PTBP3: variants seen among roughly 807,000 people sequenced by gnomAD.
PTBP3 encodes the protein polypyrimidine tract binding protein 3, also known as polypyrimidine tract-binding protein 3.
PTBP3 carries 20 observed loss-of-function variants against 58.7 expected under a neutral mutation model. The observed-to-expected ratio is 0.34, with a 90% CI of 0.24 to 0.50. PTBP3 has a LOEUF of 0.50. Among genes scored for constraint, PTBP3 ranks in the 20% least tolerant of loss-of-function variants. PTBP3 has a pLI of 0.98. For missense variants in PTBP3, 509 were observed against 637.2 expected (o/e 0.80, Z 2.17); for synonymous variants, 185 against 219.8 (o/e 0.84, Z 1.40).
the PTBP3 span, among the ~76,000 whole-genome samples, chr9:112,374,302 C>T: frequency 6.6e-6 from 1 of 152,188 alleles, no homozygotes; most frequent in Non-Finnish European, 1.5e-5. Flanking sequence ...CTGGTGGCAG[C>T]ATTCCTCCCT....
chr9:112,372,250 G>C, the PTBP3 span, among the ~76,000 whole-genome samples: 4 of 151,770 alleles, frequency 2.6e-5, no homozygotes, highest in African/African-American at 9.7e-5. Flanking sequence ...CTAATTAAAA[G>C]AATTTTTTTT....
At chr9:112,331,951 C>A (rs1451482235) in intron 1 of PTBP3, among the ~76,000 whole-genome samples, 1 of 152,160 alleles carries the variant, frequency 6.6e-6, no homozygotes, top group African/African-American at 2.4e-5. Context: ...ACCTTCCAGA[C>A]AATTAACTAC....
At chr9:112,258,289 G>A (rs1836456708) in intron 5 of PTBP3, among the ~76,000 whole-genome samples, 1 of 152,126 alleles carries the variant, frequency 6.6e-6, no homozygotes, top group Non-Finnish European at 1.5e-5. Context: ...TTTTTAGTAT[G>A]CAGGACTGAG....
intron 5 of PTBP3, among the ~76,000 whole-genome samples, chr9:112,259,544 A>G (rs1325207705): frequency 6.6e-6 from 1 of 152,172 alleles, no homozygotes; most frequent in African/African-American, 2.4e-5. Flanking sequence ...ACATACACAT[A>G]TAACTTATAT....
At chr9:112,332,631 AAT>A (rs1176452347) in intron 1 of PTBP3, among the ~76,000 whole-genome samples, 1 of 152,180 alleles carries the variant, frequency 6.6e-6, no homozygotes, top group East Asian at 1.9e-4. Flanking sequence ...TAATTACCAA[AAT>A]ATGTCAAGTC....
At chr9:112,327,243 T>C (rs572174568) in intron 1 of PTBP3, among the ~76,000 whole-genome samples, 43 of 151,262 alleles carry the variant, frequency 2.8e-4, no homozygotes, top group African/African-American at 9.7e-4. Flanking sequence ...ACGTCTCAGT[T>C]TCCCAATAAG....
At chr9:112,369,323 C>T in the PTBP3 span, among the ~76,000 whole-genome samples, 1 of 152,204 alleles carries the variant, frequency 6.6e-6, no homozygotes, top group African/African-American at 2.4e-5. Context: ...CAACATCAGC[C>T]TGTGAAAGCA....
At chr9:112,325,774 A>T (rs1311727338) in intron 1 of PTBP3, among the ~76,000 whole-genome samples, 1 of 152,180 alleles carries the variant, frequency 6.6e-6, no homozygotes, top group Non-Finnish European at 1.5e-5. Context: ...CTGTAACCCC[A>T]GTACTTCGGG....
the PTBP3 span, among the ~76,000 whole-genome samples, chr9:112,368,566 T>G: frequency 6.6e-6 from 1 of 152,164 alleles, no homozygotes; most frequent in Non-Finnish European, 1.5e-5. Flanking sequence ...CCTCACAATA[T>G]TACAATATAA....
chr9:112,271,904 T>C (rs1827401853), intron 3 of PTBP3, among the ~76,000 whole-genome samples: 1 of 152,188 alleles, frequency 6.6e-6, no homozygotes. Flanking sequence ...TTGATATCTG[T>C]AGTCACTGTA....
At chr9:112,281,641 C>G (rs1827872639) in intron 2 of PTBP3, among the ~76,000 whole-genome samples, 1 of 152,062 alleles carries the variant, frequency 6.6e-6, no homozygotes. Flanking sequence ...TTATTTATTC[C>G]TTATATGTCT....
At chr9:112,328,253 C>A (rs1418316948) in intron 1 of PTBP3, among the ~76,000 whole-genome samples, 1 of 152,158 alleles carries the variant, frequency 6.6e-6, no homozygotes, top group African/African-American at 2.4e-5. Flanking sequence ...AATTATGAGC[C>A]TTACTGGCCT....
In PTBP3 at chr9:112,222,348, A is replaced by T; in HGVS notation, c.*1503T>A. The T allele has an allele frequency of 1.0e-6, 1 of 984,384 alleles. No individual in the cohort carries two copies. Among genetic ancestry groups the T allele is most frequent in the Non-Finnish European group, 1.2e-6 (1 of 828,588 alleles). 61.0% of individuals were successfully genotyped at this position (984,384 alleles called of 1,614,324 possible). On this transcript the variant is annotated 3_prime_UTR_variant, in exon 14 of 14. Coordinates refer to ENST00000374257, the MANE Select transcript of PTBP3 (RefSeq NM_001163788.4). ...AAGAGAGGGACAGAGTATGAGAAAT[A>T]ACCCACCTTCTCATACTCCAAATAC... is the stretch of plus-strand genomic sequence containing the variant.
At chr9:112,234,016 A>C (rs987072588) in intron 8 of PTBP3, among the ~76,000 whole-genome samples, 2 of 152,194 alleles carry the variant, frequency 1.3e-5, no homozygotes, top group Non-Finnish European at 2.9e-5. Context: ...ACTGCCAGAA[A>C]GCAGCTATGT....
In PTBP3 at chr9:112,222,942, A is replaced by T. The variant is rs1834854507; in HGVS notation, c.*909T>A. 2.3e-6 allele frequency: 2 copies of T among 857,380 alleles called. No individual in the cohort carries two copies. Among genetic ancestry groups the T allele is most frequent in the Non-Finnish European group, 2.8e-6 (2 of 713,106 alleles). The allele number at this position is 857,380 out of a possible 1,614,324, so 53.1% of individuals were successfully genotyped here. On this transcript the variant is annotated 3_prime_UTR_variant, in exon 14 of 14. Coordinates refer to ENST00000374257, the MANE Select transcript of PTBP3 (RefSeq NM_001163788.4). ...TTTAAAAAATCTGTCAAACCATATG[A>T]TAGACCTGAATATTTTCCTTAAGAC...
intron 12 of PTBP3, among the ~76,000 whole-genome samples, chr9:112,225,926 C>T (rs943055738): frequency 3.3e-5 from 5 of 152,066 alleles, no homozygotes; most frequent in African/African-American, 1.2e-4. Flanking sequence ...CACCTGTAGT[C>T]CCAGCTACTT....
At chr9:112,225,229 T>A (rs951415066) in intron 12 of PTBP3, among the ~76,000 whole-genome samples, 1 of 152,236 alleles carries the variant, frequency 6.6e-6, no homozygotes, top group Non-Finnish European at 1.5e-5. Flanking sequence ...ATTAGCTCTG[T>A]AGGAAGACAG....
chr9:112,333,594 C>T lies in PTBP3; in HGVS notation c.-176G>A. On this transcript the variant is annotated 5_prime_UTR_variant, in exon 1 of 14. Coordinates refer to ENST00000374257, the MANE Select transcript of PTBP3 (RefSeq NM_001163788.4). ...AGCGAGCTTTGGCTCTGCGGAGCCC[C>T]GGCCGGTCCGAGGTGGAAGGAGAGT... 2 of 1,296,330 alleles carry T rather than the reference C, an allele frequency of 1.5e-6. No individual in the cohort carries two copies. The highest frequency in any genetic ancestry group is 2.2e-6 in the Non-Finnish European group (2 of 921,060). 80.3% of individuals were successfully genotyped at this position (1,296,330 alleles called of 1,614,324 possible).
intron 4 of PTBP3, among the ~76,000 whole-genome samples, chr9:112,263,059 G>GTATAAAA (rs1411000805): frequency 2.0e-5 from 3 of 152,164 alleles, no homozygotes; most frequent in Non-Finnish European, 4.4e-5. Flanking sequence ...CACAAGAAGA[G>GTATAAAA]TATAAAATAT....
Sources: allele counts gnomAD v4.1 joint callset (sites outside exome capture counted in the v4.1 genomes callset), GRCh38; gene constraint gnomAD v4.1.1; transcripts MANE v1.5; gene names NCBI Gene and HGNC (gene_info 2026-07-23, HGNC 2026-07-21).